Variants in ADAT2 observed in about 807,000 individuals in gnomAD.
ADAT2 encodes tRNA-specific adenosine-34 deaminase catalytic subunit ADAT2.
ADAT2 carries 26 observed loss-of-function variants against 25.9 expected under a neutral mutation model. The ratio of observed to expected loss-of-function variants is 1.00; its 90% CI spans 0.74 to 1.39. ADAT2 has a LOEUF of 1.39. ADAT2 is among the 40% of genes most tolerant of loss of function. The probability of loss-of-function intolerance (pLI) is 0.00; values close to 1 mark genes in which losing one functional copy is unlikely to be tolerated. For synonymous variants in ADAT2, 76 were observed against 86.8 expected (o/e 0.88, Z 0.69); for missense variants, 220 against 244.8 (o/e 0.90, Z 0.68).
In ADAT2 at chr6:143,434,978, G is replaced by A. The variant is rs187343776; in HGVS notation, c.202-997C>T. Among the ~76,000 whole-genome samples the A allele has an allele frequency of 1.3e-5, 2 of 152,140 alleles. No homozygotes were observed. Among genetic ancestry groups the A allele is most frequent in the African/African-American group, 4.8e-5 (2 of 41,512 alleles). ...AGGGCTCATTTACCTGTGAGATAGGGCAGGGTATGAAAAGTGCTAGCACAG... is the reference window on the plus strand; with the variant it reads ...AGGGCTCATTTACCTGTGAGATAGGACAGGGTATGAAAAGTGCTAGCACAG... On this transcript the variant is annotated intron_variant, in intron 2 of 5. Coordinates refer to ENST00000237283, the MANE Select transcript of ADAT2 (RefSeq NM_182503.3). The surrounding 1 kb of genome is among the most constrained non-coding windows in gnomAD (Gnocchi z 4.5).
Position 143,434,501 on chromosome 6 carries a change from G to A in ADAT2, c.202-520C>T, listed in dbSNP as rs2128740357. Among the ~76,000 whole-genome samples the A allele has an allele frequency of 2.0e-5, 3 of 152,282 alleles. No homozygotes were observed. In the South Asian group the frequency reaches 6.2e-4, roughly 32 times the overall value. ...CTAGAGAAGTAGAGATTTGGTATTG[G>A]TTTCAGACACTTCATGGGAAGCAGT... On this transcript the variant is annotated intron_variant, in intron 2 of 5. Transcript: ENST00000237283. This position sits in a 1 kb window ranked among gnomAD's most constrained non-coding sequence, Gnocchi z 4.5.
At chr6:143,435,822 T>C (rs559772825) in intron 2 of ADAT2, among the ~76,000 whole-genome samples, 1 of 152,368 alleles carries the variant, frequency 6.6e-6, no homozygotes, top group East Asian at 1.9e-4. Context: ...GTATTTTAAA[T>C]TGATATTTAA....
Position 143,442,329 on chromosome 6 carries a change from T to C in ADAT2, c.97-3635A>G, listed in dbSNP as rs143878398. Among the ~76,000 whole-genome samples, 1,702 of 143,968 alleles carry C rather than the reference T, an allele frequency of 0.012. 25 individuals are homozygous for C. The highest frequency in any genetic ancestry group is 0.042 in the African/African-American group (1,605 of 38,582). The allele number at this position is 143,968 out of a possible 152,430, so 94.4% of individuals were successfully genotyped here. A position where few individuals can be genotyped will look rare whatever the true frequency, so the allele number is the denominator to read the frequency against. On this transcript the variant is annotated intron_variant, in intron 1 of 5. Transcript: ENST00000237283. The surrounding 1 kb of genome is among the most constrained non-coding windows in gnomAD (Gnocchi z 4.6). ...CCAAATGGTTACAGATTCATGTACA[T>C]AGCATTTTTGAATTATAAAATTATA...
chr6:143,432,539 G>A lies in ADAT2; in HGVS notation c.425C>T (p.Ser142Phe). ...GGCGSVLNIA[S>F]ADLPNTGRPF... Reference sequence around the variant, plus strand: ...TCTCCCAGTGTTTGGTAGGTCAGCAGAGGCAATATTTAGAACAGAGCCACA... The same window carrying A: ...TCTCCCAGTGTTTGGTAGGTCAGCAAAGGCAATATTTAGAACAGAGCCACA... The change falls in exon 4 of 6, where the codon TCT (serine) becomes TTT (phenylalanine). Residue 142 changes from serine to phenylalanine, a missense_variant. By Grantham distance (155) the Ser-to-Phe change is radical. Transcript: ENST00000237283. The surrounding 1 kb of genome is among the most constrained non-coding windows in gnomAD (Gnocchi z 4.4). The A allele has an allele frequency of 6.2e-7, 1 of 1,614,208 alleles. No individual in the cohort carries two copies. The highest frequency in any genetic ancestry group is 8.5e-7 in the Non-Finnish European group (1 of 1,180,028).
intron 1 of ADAT2, 23 bp from the exon 2 acceptor site, chr6:143,438,717 T>G (rs545134874): frequency 1.9e-6 from 3 of 1,560,184 alleles, no homozygotes; most frequent in East Asian, 4.5e-5. Context: ...GTGGAAAATG[T>G]AAGACGTAAT....
rs911874942 is a variant in ADAT2, at chr6:143,436,854, A to T, written c.201+1736T>A. 1 of 151,558 alleles carries T rather than the reference A, an allele frequency of 6.6e-6. No homozygotes were observed. The highest frequency in any genetic ancestry group is 2.4e-5 in the African/African-American group (1 of 40,882). The allele number at this position is 151,558 out of a possible 1,614,324, so 9.4% of individuals were successfully genotyped here. Reference sequence around the variant, plus strand: ...ATTAAAGCATTTCCATAGTAAAAAAAATAAATAAATAAATAAAAATTAAAA... The same window carrying T: ...ATTAAAGCATTTCCATAGTAAAAAATATAAATAAATAAATAAAAATTAAAA... On this transcript the variant is annotated intron_variant, in intron 2 of 5. Transcript: ENST00000237283. The surrounding 1 kb of genome is among the most constrained non-coding windows in gnomAD (Gnocchi z 4.1).
chr6:143,437,121 A>G lies in ADAT2; in HGVS notation c.201+1469T>C, dbSNP rs563517232. ...TAACTACAGATTTTCTATGCAGTGA[A>G]CATGGTTATATATAAATCTGAATTG... On this transcript the variant is annotated intron_variant, in intron 2 of 5. Coordinates refer to ENST00000237283, the MANE Select transcript of ADAT2 (RefSeq NM_182503.3). The surrounding 1 kb of genome is among the most constrained non-coding windows in gnomAD (Gnocchi z 4.1). Among the ~76,000 whole-genome samples, 250 of 152,330 alleles carry G rather than the reference A, an allele frequency of 1.6e-3. 2 individuals are homozygous for G. The highest frequency in any genetic ancestry group is 3.0e-3 in the Non-Finnish European group (203 of 68,024).
chr6:143,440,023 G>A lies in ADAT2; in HGVS notation c.97-1329C>T, dbSNP rs1187234211. The stretch of plus-strand genomic sequence containing the variant: ...AGGAAAATTAACTCTACCTTCAGGC[G>A]GAGAGCTTAAGCAGGCAGGTTATGC... On this transcript the variant is annotated intron_variant, in intron 1 of 5. Transcript: ENST00000237283. The surrounding 1 kb of genome is among the most constrained non-coding windows in gnomAD (Gnocchi z 4.5). 6.6e-6 allele frequency among the ~76,000 whole-genome samples: 1 copy of A among 152,138 alleles called. No individual in the cohort carries two copies. Among genetic ancestry groups the A allele is most frequent in the East Asian group, 1.9e-4 (1 of 5,188 alleles).
chr6:143,432,333 C>T lies in ADAT2; in HGVS notation c.459+172G>A, dbSNP rs1014282069. Among the ~76,000 whole-genome samples the T allele has an allele frequency of 6.6e-6, 1 of 152,266 alleles. No individual in the cohort carries two copies. The highest frequency in any genetic ancestry group is 6.5e-5 in the Admixed American group (1 of 15,292). ...GGTAGGCACTCATCTAGAAACTCTT[C>T]CCTGTCATCTTATACTGAGGCATAA... On this transcript the variant is annotated intron_variant, in intron 4 of 5. Transcript: ENST00000237283. This position sits in a 1 kb window ranked among gnomAD's most constrained non-coding sequence, Gnocchi z 4.4.
intron 2 of ADAT2, among the ~76,000 whole-genome samples, chr6:143,435,170 A>AAG (rs1296729407): frequency 1.3e-5 from 2 of 152,022 alleles, no homozygotes; most frequent in East Asian, 3.8e-4. Context: ...AAAAAAAAAA[A>AAG]AAAAAAAGGT....
In ADAT2 at chr6:143,423,188, C is replaced by T. The variant is rs1230610636; in HGVS notation, c.*5275G>A. 2 of 152,188 alleles carry T rather than the reference C, an allele frequency of 1.3e-5. No homozygotes were observed. Among genetic ancestry groups the T allele is most frequent in the Non-Finnish European group, 2.9e-5 (2 of 68,034 alleles). 9.4% of individuals were successfully genotyped at this position (152,188 alleles called of 1,614,324 possible). On this transcript the variant is annotated 3_prime_UTR_variant, in exon 6 of 6. Coordinates refer to ENST00000237283, the MANE Select transcript of ADAT2 (RefSeq NM_182503.3). Reference sequence around the variant, plus strand: ...CTAAATATTTTAGGCCTTTGTGAGTCGCATGGTTTGTCACCACTGCTCAAC... The same window carrying T: ...CTAAATATTTTAGGCCTTTGTGAGTTGCATGGTTTGTCACCACTGCTCAAC...
Position 143,450,563 on chromosome 6 carries a change from C to A in ADAT2, c.96G>T (p.Met32Ile). 6.2e-7 allele frequency: 1 copy of A among 1,614,112 alleles called. No homozygotes were observed. The highest frequency in any genetic ancestry group is 1.1e-5 in the South Asian group (1 of 91,090). The change falls in exon 1 of 6, where the codon ATG becomes ATT. Residue 32 changes from methionine to isoleucine, a missense_variant and splice_region_variant. Coordinates refer to ENST00000237283, the MANE Select transcript of ADAT2 (RefSeq NM_182503.3). The stretch of plus-strand genomic sequence containing the variant: ...AGCATCTACCTCCCGGGCTCCTCAC[C>A]ATGTGCATCGCCTCCTCCATCCACT... The part of the protein sequence containing the change: ...TEKWMEEAMH[M>I]AKEALENTEV...
rs1779193163 is a variant in ADAT2 at position 143,433,968 on chromosome 6, G to A, written c.215C>T (p.Ala72Val). 6.2e-7 allele frequency: 1 copy of A among 1,613,914 alleles called. No individual in the cohort carries two copies. The highest frequency in any genetic ancestry group is 1.3e-5 in the African/African-American group (1 of 74,922). ...VNQTKNATRHAEMVAIDQVLD... is the reference protein window; with the variant it reads ...VNQTKNATRHVEMVAIDQVLD... Reference sequence around the variant, plus strand: ...GACCTGATCGATGGCCACCATTTCTGCATGTCGAGTAGCCTGAAAAGAGAA... The same window carrying A: ...GACCTGATCGATGGCCACCATTTCTACATGTCGAGTAGCCTGAAAAGAGAA... The change falls in exon 3 of 6, where the codon GCA becomes GTA. Residue 72 changes from alanine to valine, a missense_variant. Ala to Val is a moderately conservative substitution (Grantham distance 64). Transcript: ENST00000237283.
At position 143,446,149 on chromosome 6, in the gene ADAT2, G is replaced by A. The variant is rs9496637; in HGVS notation, c.96+4414C>T. 6.6e-6 allele frequency among the ~76,000 whole-genome samples: 1 copy of A among 151,058 alleles called. No homozygotes were observed. Among genetic ancestry groups the A allele is most frequent in the Non-Finnish European group, 1.5e-5 (1 of 67,830 alleles). On this transcript the variant is annotated intron_variant, in intron 1 of 5. Transcript: ENST00000237283. This position sits in a 1 kb window ranked among gnomAD's most constrained non-coding sequence, Gnocchi z 5.0. ...TCCCTGTTATTCTGAAGCAACGGGG[G>A]TTTTTTCTGTTTTTTCCTATGCCCT...
At chr6:143,448,943 C>T (rs531783015) in intron 1 of ADAT2, among the ~76,000 whole-genome samples, 3 of 152,262 alleles carry the variant, frequency 2.0e-5, no homozygotes, top group South Asian at 4.1e-4. Context: ...TTTCCTTTTA[C>T]GTCGGAAAGT....
chr6:143,431,342 A>C (rs555356250), intron 4 of ADAT2, among the ~76,000 whole-genome samples: 2 of 152,362 alleles, frequency 1.3e-5, no homozygotes, highest in African/African-American at 4.8e-5. Flanking sequence ...ATGACATCAA[A>C]AGACTCATCT....
chr6:143,430,339 G>GT (rs1221778027), intron 4 of ADAT2, among the ~76,000 whole-genome samples: 1 of 152,132 alleles, frequency 6.6e-6, no homozygotes, highest in Non-Finnish European at 1.5e-5. Context: ...ACACAGCACT[G>GT]TTGGCCCCCT....
rs1025754425 is a variant in ADAT2, at chr6:143,432,452, A to G, written c.459+53T>C. On this transcript the variant is annotated intron_variant, in intron 4 of 5. Coordinates refer to ENST00000237283, the MANE Select transcript of ADAT2 (RefSeq NM_182503.3). This position sits in a 1 kb window ranked among gnomAD's most constrained non-coding sequence, Gnocchi z 4.4. ...ACACACTAGTTATTCACAAGCCCAT[A>G]AAGAGATGAAAATAATTAGCAAGAA... 3 of 1,500,992 alleles carry G rather than the reference A, an allele frequency of 2.0e-6. No homozygotes were observed. Among genetic ancestry groups the G allele is most frequent in the Non-Finnish European group, 2.8e-6 (3 of 1,078,214 alleles). The allele number at this position is 1,500,992 out of a possible 1,614,324, so 93.0% of individuals were successfully genotyped here.
rs1405374232 is a variant in ADAT2, at chr6:143,423,063, A to G, written c.*5400T>C. Reference sequence around the variant, plus strand: ...CATGAGCTGTACAATGAGCCACATCATTCGGTTCCAATCACAGAATTTGAA... The same window carrying G: ...CATGAGCTGTACAATGAGCCACATCGTTCGGTTCCAATCACAGAATTTGAA... On this transcript the variant is annotated 3_prime_UTR_variant, in exon 6 of 6. Transcript: ENST00000237283. 6.6e-6 allele frequency: 1 copy of G among 152,238 alleles called. No homozygotes were observed. The highest frequency in any genetic ancestry group is 2.4e-5 in the African/African-American group (1 of 41,462). 9.4% of individuals were successfully genotyped at this position (152,238 alleles called of 1,614,324 possible).
Sources: gnomAD v4.1 joint callset for allele counts (sites outside exome capture counted in the v4.1 genomes callset) on GRCh38, gnomAD v4.1.1 for gene constraint, Gnocchi (gnomAD v3.1) non-coding constraint, MANE v1.5 for transcripts, NCBI Gene and HGNC (gene_info 2026-07-23, HGNC 2026-07-21) for gene names.